ERBB4: variants seen among roughly 807,000 people sequenced by gnomAD.
The protein encoded by ERBB4 is erb-b2 receptor tyrosine kinase 4, also known as receptor tyrosine-protein kinase erbB-4.
In ERBB4, 42 loss-of-function variants were observed where a neutral mutation model predicts 158.0. The observed-to-expected ratio is 0.27, with a 90% confidence interval of 0.21 to 0.34. ERBB4 has a LOEUF of 0.34. Ranked by LOEUF, ERBB4 falls within the 10% of genes least tolerant of loss-of-function variation. The pLI is 1.00. For missense variants in ERBB4, 1,333 were observed against 1,624.1 expected (o/e 0.82, Z 3.08); for synonymous variants, 583 against 558.7 (o/e 1.04, Z -0.61).
intron 3 of ERBB4, among the ~76,000 whole-genome samples, chr2:211,857,363 C>T (rs558334972): frequency 1.1e-3 from 167 of 152,232 alleles, no homozygotes; most frequent in Non-Finnish European, 2.2e-3. Flanking sequence ...ACCCTTTTAA[C>T]CTATGTATAT....
chr2:212,206,759 T>G (rs899114444), intron 1 of ERBB4, among the ~76,000 whole-genome samples: 2 of 151,868 alleles, frequency 1.3e-5, no homozygotes, highest in Non-Finnish European at 2.9e-5. Flanking sequence ...GCTAATTTTT[T>G]TTGTATTTTT....
chr2:211,929,153 A>G (rs577995106), intron 3 of ERBB4, among the ~76,000 whole-genome samples: 6 of 152,066 alleles, frequency 3.9e-5, no homozygotes, highest in African/African-American at 1.4e-4. Context: ...TGGATATGCA[A>G]TTTCACAAAT....
intron 1 of ERBB4, among the ~76,000 whole-genome samples, chr2:212,250,958 G>A (rs1405306154): frequency 5.9e-5 from 9 of 151,926 alleles, no homozygotes; most frequent in Non-Finnish European, 1.3e-4. Flanking sequence ...GATATTGACT[G>A]AGAGATTTTG....
intron 16 of ERBB4, among the ~76,000 whole-genome samples, chr2:211,635,672 T>A (rs1478548574): frequency 6.6e-6 from 1 of 152,152 alleles, no homozygotes; most frequent in Non-Finnish European, 1.5e-5. Context: ...ACTATTTTGT[T>A]ATACTCTTTC....
At chr2:212,008,680 A>G (rs1170803759) in intron 2 of ERBB4, among the ~76,000 whole-genome samples, 1 of 152,142 alleles carries the variant, frequency 6.6e-6, no homozygotes. Context: ...TGCTGGCTAC[A>G]TTAGATTAAT....
At chr2:211,720,269 G>T (rs1260992178) in intron 7 of ERBB4, among the ~76,000 whole-genome samples, 3 of 152,198 alleles carry the variant, frequency 2.0e-5, no homozygotes, top group African/African-American at 7.2e-5. Flanking sequence ...GCACATTCCA[G>T]CCCAGTCATT....
Position 212,356,415 on chromosome 2 carries a change from G to C in ERBB4, c.82+182034C>G, listed in dbSNP as rs544208826. ...TTCACTTTAGTTTATAGAGAATAAA[G>C]CCTTGTAAAAAATAAATCTGATGGC... On this transcript the variant is annotated intron_variant, in intron 1 of 27. Transcript: ENST00000342788. Among the ~76,000 whole-genome samples, 4 of 152,004 alleles carry C rather than the reference G, an allele frequency of 2.6e-5. No individual in the cohort carries two copies. The East Asian group carries it at 7.8e-4, about 30-fold the overall frequency.
At chr2:212,148,747 A>G (rs552685874) in intron 1 of ERBB4, among the ~76,000 whole-genome samples, 5 of 150,022 alleles carry the variant, frequency 3.3e-5, no homozygotes, top group African/African-American at 7.4e-5. Context: ...TCACAATAGC[A>G]AAGACTTGGA....
intron 2 of ERBB4, among the ~76,000 whole-genome samples, chr2:211,989,798 A>G (rs2082026784): frequency 6.6e-6 from 1 of 151,992 alleles, no homozygotes; most frequent in African/African-American, 2.4e-5. Context: ...ATAGCACTAT[A>G]TAAAAAGAAC....
intron 1 of ERBB4, among the ~76,000 whole-genome samples, chr2:212,284,406 G>A (rs980869375): frequency 2.0e-5 from 3 of 152,038 alleles, no homozygotes; most frequent in Non-Finnish European, 4.4e-5. Flanking sequence ...TTACATTACA[G>A]CATGTTGCAT....
chr2:211,379,518 T>A lies in ERBB4; in HGVS notation c.*4097A>T, dbSNP rs2062538957. On this transcript the variant is annotated 3_prime_UTR_variant, in exon 28 of 28. Transcript: ENST00000342788. ...CAAACAACAATTTTAAATGGCAAAC[T>A]TATCTTTTTACTATGCAAAATCCAT... The A allele has an allele frequency of 4.3e-6, 1 of 231,068 alleles. No homozygotes were observed. Among genetic ancestry groups the A allele is most frequent in the South Asian group, 1.8e-4 (1 of 5,512 alleles). 14.3% of individuals were successfully genotyped at this position (231,068 alleles called of 1,614,324 possible).
At chr2:211,478,314 G>A (rs537149314) in intron 20 of ERBB4, among the ~76,000 whole-genome samples, 7 of 152,150 alleles carry the variant, frequency 4.6e-5, no homozygotes, top group Middle Eastern at 3.4e-3. Context: ...CAACAGCTTC[G>A]GGATGGTATG....
intron 2 of ERBB4, among the ~76,000 whole-genome samples, chr2:211,988,025 T>C (rs550891420): frequency 1.3e-5 from 2 of 152,292 alleles, no homozygotes; most frequent in South Asian, 4.1e-4. Flanking sequence ...AAAATGTACT[T>C]GTTAGGGAAA....
At chr2:211,739,783 T>A (rs2074729253) in intron 5 of ERBB4, among the ~76,000 whole-genome samples, 1 of 152,156 alleles carries the variant, frequency 6.6e-6, no homozygotes, top group South Asian at 2.1e-4. Context: ...CTGGCTATTT[T>A]ATTAAATGTA....
intron 25 of ERBB4, among the ~76,000 whole-genome samples, chr2:211,419,062 C>A: frequency 6.6e-6 from 1 of 151,878 alleles, no homozygotes; most frequent in East Asian, 1.9e-4. Flanking sequence ...ATAAGAAAAC[C>A]ACCTGGGAAA....
At position 212,040,554 on chromosome 2, in the gene ERBB4, A is replaced by C. The variant is rs143032861; in HGVS notation, c.234+84198T>G. On this transcript the variant is annotated intron_variant, in intron 2 of 27. Transcript: ENST00000342788. ...CTCATAAATCTAGCCCTTTTTTGTT[A>C]ATTTAAAAACAATTTAGAGTAGTAG... Among the ~76,000 whole-genome samples, 212 of 152,132 alleles carry C rather than the reference A, an allele frequency of 1.4e-3. 5 individuals carry two copies. In the East Asian group the frequency reaches 0.037, roughly 26 times the overall value.
At chr2:211,628,637 C>T (rs1378652308) in intron 17 of ERBB4, among the ~76,000 whole-genome samples, 2 of 152,184 alleles carry the variant, frequency 1.3e-5, no homozygotes, top group Non-Finnish European at 2.9e-5. Flanking sequence ...CATACATGTG[C>T]ATGTGTCTTT....
intron 1 of ERBB4, among the ~76,000 whole-genome samples, chr2:212,143,529 G>T (rs2080554842): frequency 6.6e-6 from 1 of 152,022 alleles, no homozygotes; most frequent in African/African-American, 2.4e-5. Context: ...TTAGCAACGA[G>T]GTGATAGAAA....
chr2:211,662,289 C>T (rs1253854768), intron 15 of ERBB4, among the ~76,000 whole-genome samples: 1 of 151,836 alleles, frequency 6.6e-6, no homozygotes, highest in African/African-American at 2.4e-5. Context: ...AAAAATCATC[C>T]TTGCCCTCCC....
Sources: allele counts gnomAD v4.1 joint callset (sites outside exome capture counted in the v4.1 genomes callset), GRCh38; gene constraint gnomAD v4.1.1; transcripts MANE v1.5; gene names NCBI Gene and HGNC (gene_info 2026-07-23, HGNC 2026-07-21).